SESN1: variants seen among roughly 807,000 people sequenced by gnomAD.
SESN1 encodes the protein sestrin-1.
SESN1 carries 30 observed loss-of-function variants against 59.3 expected under a neutral mutation model. The observed-to-expected ratio is 0.51, with a 90% confidence interval of 0.38 to 0.69. The LOEUF is 0.69. Ranked by LOEUF, SESN1 falls within the 30% of genes least tolerant of loss-of-function variation. SESN1 has a pLI of 0.00. For missense variants in SESN1, 566 were observed against 673.0 expected, an observed-to-expected ratio of 0.84 and a Z score of 1.76; for synonymous variants, 197 against 219.9, an observed-to-expected ratio of 0.90 and a Z score of 0.92.
At chr6:108,988,467 G>T in intron 9 of SESN1, 76 bp downstream of exon 9, 1 of 1,302,372 alleles carries the variant, frequency 7.7e-7, no homozygotes, top group Non-Finnish European at 1.0e-6. Context: ...AAGGGTTTCA[G>T]CACCATTAGG....
intron 1 of SESN1, among the ~76,000 whole-genome samples, chr6:109,006,449 A>G (rs561786599): frequency 4.2e-5 from 2 of 47,636 alleles, no homozygotes; most frequent in South Asian, 9.0e-4. Context: ...CCCTCCCCCC[A>G]CCCCCTACCC....
intron 1 of SESN1, among the ~76,000 whole-genome samples, chr6:109,014,280 T>C (rs985500984): frequency 2.0e-5 from 3 of 152,202 alleles, no homozygotes; most frequent in African/African-American, 7.2e-5. Flanking sequence ...AGGCTGATAA[T>C]AATAAGACCA....
chr6:109,002,977 T>C (rs1779659492), intron 1 of SESN1, among the ~76,000 whole-genome samples: 1 of 152,126 alleles, frequency 6.6e-6, no homozygotes, highest in African/African-American at 2.4e-5. Flanking sequence ...GCCCATATTA[T>C]ATTTTAGAGA....
At chr6:109,035,268 C>T (rs1780232983) in intron 1 of SESN1, among the ~76,000 whole-genome samples, 1 of 152,140 alleles carries the variant, frequency 6.6e-6, no homozygotes, top group African/African-American at 2.4e-5. Context: ...TGCTGAGCAT[C>T]TAGTGTGTGT....
At chr6:109,077,473 G>C (rs1220228997) in intron 1 of SESN1, among the ~76,000 whole-genome samples, 1 of 152,186 alleles carries the variant, frequency 6.6e-6, no homozygotes, top group Non-Finnish European at 1.5e-5. Context: ...GCAGGGAAAT[G>C]AGACTTCAGA....
At chr6:109,021,277 C>T (rs1441257861) in intron 1 of SESN1, among the ~76,000 whole-genome samples, 3 of 152,158 alleles carry the variant, frequency 2.0e-5, no homozygotes, top group Admixed American at 6.5e-5. Flanking sequence ...GCCACCTTGC[C>T]GAGCCCACCA....
chr6:109,088,419 T>C (rs1430591859), intron 1 of SESN1, among the ~76,000 whole-genome samples: 1 of 151,724 alleles, frequency 6.6e-6, no homozygotes, highest in Admixed American at 6.6e-5. Context: ...CAACTCCAAC[T>C]GTAACTCTAA....
chr6:109,067,134 G>A (rs1285846582), intron 1 of SESN1, among the ~76,000 whole-genome samples: 1 of 152,124 alleles, frequency 6.6e-6, no homozygotes, highest in Non-Finnish European at 1.5e-5. Context: ...TAGTCTGGAT[G>A]TCCCACCATC....
chr6:109,003,975 T>C (rs945171924), intron 1 of SESN1, among the ~76,000 whole-genome samples: 6 of 152,210 alleles, frequency 3.9e-5, no homozygotes. Context: ...TTCAAGGGTT[T>C]ATTACTGTTT....
chr6:108,994,538 T>A lies in SESN1; in HGVS notation c.1044A>T (p.Glu348Asp). 1 of 1,613,700 alleles carries A rather than the reference T, an allele frequency of 6.2e-7. No individual in the cohort carries two copies. The highest frequency in any genetic ancestry group is 1.1e-5 in the South Asian group (1 of 91,064). The change falls in exon 6 of 10, where the codon GAA becomes GAT. Residue 348 changes from glutamate to aspartate, a missense_variant. Glu to Asp is a conservative substitution (Grantham distance 45, BLOSUM62 2). Transcript: ENST00000436639. ...KMRQLQECRD[E>D]EEASQEEMAS... Reference sequence around the variant, plus strand: ...CCATCTCTTCCTGACTTGCCTCTTCTTCATCTCGACATTCCTGTAACTGCC... The same window carrying A: ...CCATCTCTTCCTGACTTGCCTCTTCATCATCTCGACATTCCTGTAACTGCC...
At chr6:109,009,932 A>G (rs1344524812) in intron 1 of SESN1, among the ~76,000 whole-genome samples, 2 of 152,114 alleles carry the variant, frequency 1.3e-5, no homozygotes. Context: ...TGACAGCACC[A>G]GGAGTAATGA....
chr6:109,092,676 GGTT>G (rs764214006), intron 1 of SESN1, among the ~76,000 whole-genome samples: 58 of 152,226 alleles, frequency 3.8e-4, no homozygotes, highest in Admixed American at 1.0e-3. Context: ...GGACAAAAAT[GGTT>G]GTTACAGTCA....
chr6:109,088,094 A>G (rs1464198941), intron 1 of SESN1: 1 of 152,170 alleles, frequency 6.6e-6, no homozygotes, highest in Non-Finnish European at 1.5e-5. Flanking sequence ...AGAAACTGAG[A>G]GGAAGTCTGC....
chr6:108,994,731 C>G (rs1000635746), intron 5 of SESN1, 122 bp from the exon 6 acceptor site: 11 of 825,620 alleles, frequency 1.3e-5, no homozygotes, highest in Non-Finnish European at 1.8e-5. Context: ...GAGACAGAGT[C>G]TTGCTCTGTT....
chr6:109,089,470 TA>T (rs1341923336), intron 1 of SESN1, among the ~76,000 whole-genome samples: 1 of 152,188 alleles, frequency 6.6e-6, no homozygotes, highest in Non-Finnish European at 1.5e-5. Flanking sequence ...AGGATAGATA[TA>T]AAAGTGGAGG....
intron 1 of SESN1, among the ~76,000 whole-genome samples, chr6:109,038,562 C>G (rs1238907056): frequency 6.6e-6 from 1 of 152,200 alleles, no homozygotes; most frequent in Non-Finnish European, 1.5e-5. Context: ...GAGATGTTGA[C>G]TCTAAGAGAA....
chr6:109,036,487 C>T (rs1281488889), intron 1 of SESN1, among the ~76,000 whole-genome samples: 1 of 152,052 alleles, frequency 6.6e-6, no homozygotes. Flanking sequence ...AAGAAACAAA[C>T]CAGTTTCTGA....
At chr6:109,014,580 C>A (rs556287781) in intron 1 of SESN1, among the ~76,000 whole-genome samples, 10 of 152,292 alleles carry the variant, frequency 6.6e-5, no homozygotes, top group Non-Finnish European at 1.5e-4. Flanking sequence ...GGTAGAAAGA[C>A]AGAAAAATTT....
chr6:109,050,573 A>C (rs992507227), intron 1 of SESN1, among the ~76,000 whole-genome samples: 1 of 152,192 alleles, frequency 6.6e-6, no homozygotes, highest in African/African-American at 2.4e-5. Context: ...TAAGAGAGGC[A>C]GGCAAACATC....
Sources: allele counts gnomAD v4.1 joint callset (sites outside exome capture counted in the v4.1 genomes callset), GRCh38; gene constraint gnomAD v4.1.1; transcripts MANE v1.5; gene names NCBI Gene and HGNC (gene_info 2026-07-23, HGNC 2026-07-21).